The following GPR89A variants were observed in gnomAD, a reference collection of about 807,000 sequenced individuals.
GPR89A encodes golgi pH regulator A.
In GPR89A, 16 loss-of-function variants were observed where a neutral mutation model predicts 52.0. That is an observed-to-expected ratio of 0.31 (90% confidence interval 0.21 to 0.47). The LOEUF is 0.47. Among genes scored for constraint, GPR89A ranks in the 20% least tolerant of loss-of-function variants. The pLI, the probability that GPR89A is intolerant of heterozygous loss-of-function variation, is 1.00. For missense variants in GPR89A, 135 were observed against 449.4 expected, an observed-to-expected ratio of 0.30 and a Z score of 6.33; for synonymous variants, 55 against 150.9, an observed-to-expected ratio of 0.36 and a Z score of 4.66.
intron 1 of GPR89A, among the ~76,000 whole-genome samples, chr1:145,615,403 G>A (rs1171109940): frequency 2.0e-5 from 3 of 151,802 alleles, no homozygotes; most frequent in Non-Finnish European, 4.4e-5. Flanking sequence ...GAGCGCAGTG[G>A]TGCAATCATG....
chr1:145,613,933 C>T (rs1208729920), intron 1 of GPR89A, among the ~76,000 whole-genome samples: 67 of 152,208 alleles, frequency 4.4e-4, no homozygotes, highest in African/African-American at 1.1e-3. Context: ...ACTACAGGCA[C>T]GCACCACCAT....
chr1:145,613,227 A>G (rs1158195396), intron 1 of GPR89A, among the ~76,000 whole-genome samples: 1 of 150,744 alleles, frequency 6.6e-6, no homozygotes, highest in Non-Finnish European at 1.5e-5. Context: ...TTTCTCCAGT[A>G]TTCTTTATAT....
At chr1:145,650,657 G>A (rs1559043803) in intron 10 of GPR89A, among the ~76,000 whole-genome samples, 1 of 151,240 alleles carries the variant, frequency 6.6e-6, no homozygotes, top group Non-Finnish European at 1.5e-5. Context: ...GTTGTTTCTT[G>A]ACTTTTTAAT....
intron 7 of GPR89A, among the ~76,000 whole-genome samples, chr1:145,637,128 CA>C (rs1650299807): frequency 6.6e-6 from 1 of 151,904 alleles, no homozygotes; most frequent in East Asian, 1.9e-4. Context: ...GTGCGATTTG[CA>C]AGGTTGCTGT....
chr1:145,637,029 T>C (rs1650289933), intron 7 of GPR89A, among the ~76,000 whole-genome samples: 1 of 152,190 alleles, frequency 6.6e-6, no homozygotes, highest in Non-Finnish European at 1.5e-5. Flanking sequence ...CATTAAATAA[T>C]GTATTTCCAC....
chr1:145,656,716 C>T (rs587647138), intron 10 of GPR89A, among the ~76,000 whole-genome samples: 5 of 152,164 alleles, frequency 3.3e-5, no homozygotes, highest in African/African-American at 7.2e-5. Flanking sequence ...ATTGCACTGA[C>T]TAAAACCTTC....
chr1:145,665,879 A>T (rs1652519622), intron 12 of GPR89A, among the ~76,000 whole-genome samples: 1 of 151,038 alleles, frequency 6.6e-6, no homozygotes, highest in African/African-American at 2.4e-5. Flanking sequence ...CTGTAGTCCC[A>T]ACTACTTGGG....
chr1:145,619,509 G>A (rs1423836967), intron 3 of GPR89A, among the ~76,000 whole-genome samples: 5 of 152,072 alleles, frequency 3.3e-5, no homozygotes, highest in African/African-American at 4.8e-5. Context: ...CTACCCTGGA[G>A]GCTGAAGCAG....
intron 10 of GPR89A, among the ~76,000 whole-genome samples, chr1:145,655,646 G>C (rs1651760150): frequency 1.3e-5 from 2 of 152,218 alleles, no homozygotes; most frequent in African/African-American, 4.8e-5. Flanking sequence ...GGAGGCTGCA[G>C]AACAGCAAAG....
intron 1 of GPR89A, among the ~76,000 whole-genome samples, chr1:145,609,417 T>G (rs1262751420): frequency 6.6e-6 from 1 of 152,140 alleles, no homozygotes; most frequent in Non-Finnish European, 1.5e-5. Flanking sequence ...TACCACCTTT[T>G]CTATAGTTTT....
At position 145,613,604 on chromosome 1, in the gene GPR89A, G is replaced by C. The variant is rs587714724; in HGVS notation, c.43-2630G>C. Reference sequence around the variant, plus strand: ...CAGTGATTGGACATCCACTCCTCCTGTCTAGCCTCATTTTTAACCTCTTCC... The same window carrying C: ...CAGTGATTGGACATCCACTCCTCCTCTCTAGCCTCATTTTTAACCTCTTCC... On this transcript the variant is annotated intron_variant, in intron 1 of 13. Coordinates refer to ENST00000313835, the MANE Select transcript of GPR89A (RefSeq NM_001097612.2). Among the ~76,000 whole-genome samples the C allele has an allele frequency of 9.2e-3, 1,390 of 151,378 alleles. 7 individuals are homozygous for C. The highest frequency in any genetic ancestry group is 0.015 in the Non-Finnish European group (1,021 of 67,786).
intron 3 of GPR89A, among the ~76,000 whole-genome samples, chr1:145,619,859 C>CA (rs1553687795): frequency 2.0e-5 from 3 of 151,628 alleles, no homozygotes; most frequent in African/African-American, 4.8e-5. Flanking sequence ...ACTAAAAATA[C>CA]AAAAAATTAG....
chr1:145,664,194 A>C (rs2101841886), intron 11 of GPR89A, among the ~76,000 whole-genome samples: 1 of 152,032 alleles, frequency 6.6e-6, no homozygotes, highest in Non-Finnish European at 1.5e-5. Flanking sequence ...CCCTAATCTC[A>C]AAAGGACTTG....
intron 5 of GPR89A, among the ~76,000 whole-genome samples, chr1:145,624,561 C>T (rs9730131): frequency 1.3e-5 from 2 of 151,464 alleles, no homozygotes; most frequent in African/African-American, 2.5e-5. Context: ...GTACCTATTA[C>T]TAGGCTTCTT....
intron 7 of GPR89A, among the ~76,000 whole-genome samples, chr1:145,635,604 T>G (rs1259012711): frequency 6.6e-6 from 1 of 152,238 alleles, no homozygotes; most frequent in Non-Finnish European, 1.5e-5. Flanking sequence ...GTGAAAGATT[T>G]ATGTAAACAA....
At chr1:145,646,423 A>T (rs1273620924) in intron 9 of GPR89A, 151 bp downstream of exon 9, 5 of 592,932 alleles carry the variant, frequency 8.4e-6, no homozygotes, top group Non-Finnish European at 1.4e-5. Context: ...AGGGATCTTC[A>T]CTCTTCATGA....
At chr1:145,666,823 G>T (rs1242921068) in intron 12 of GPR89A, among the ~76,000 whole-genome samples, 2 of 151,086 alleles carry the variant, frequency 1.3e-5, no homozygotes, top group African/African-American at 4.9e-5. Flanking sequence ...TTGTCCTTGC[G>T]ATAGTTTGCT....
At chr1:145,610,285 A>G (rs1447049870) in intron 1 of GPR89A, among the ~76,000 whole-genome samples, 14 of 152,016 alleles carry the variant, frequency 9.2e-5, no homozygotes, top group Admixed American at 7.9e-4. Context: ...ATCAGAGGTC[A>G]CGTATTCAAT....
At chr1:145,668,517 A>G (rs1553696861) in intron 12 of GPR89A, among the ~76,000 whole-genome samples, 1 of 152,154 alleles carries the variant, frequency 6.6e-6, no homozygotes, top group African/African-American at 2.4e-5. Flanking sequence ...TCTTCTGCAA[A>G]CAGGGACAAT....
Sources: gnomAD v4.1 joint callset for allele counts (sites outside exome capture counted in the v4.1 genomes callset) on GRCh38, gnomAD v4.1.1 for gene constraint, MANE v1.5 for transcripts, NCBI Gene and HGNC (gene_info 2026-07-23, HGNC 2026-07-21) for gene names.